FAM161B: variants seen among roughly 807,000 people sequenced by gnomAD.
The protein encoded by FAM161B is protein FAM161B.
FAM161B carries 46 observed loss-of-function variants against 61.5 expected under a neutral mutation model. That is an observed-to-expected ratio of 0.75 (90% CI 0.59 to 0.96). The LOEUF is 0.96. Ranked by LOEUF, FAM161B falls within the 40% of genes least tolerant of loss-of-function variation. The probability of loss-of-function intolerance (pLI) is 0.00; values close to 1 mark genes in which losing one functional copy is unlikely to be tolerated. For synonymous variants in FAM161B, 284 were observed against 302.7 expected (o/e 0.94, Z 0.64); for missense variants, 774 against 800.7 (o/e 0.97, Z 0.40).
intron 1 of FAM161B, among the ~76,000 whole-genome samples, chr14:73,947,901 TTTAG>T (rs1237176327): frequency 2.7e-5 from 4 of 148,702 alleles, no homozygotes; most frequent in Non-Finnish European, 6.0e-5. Context: ...GTGGGGACAA[TTTAG>T]TTAAGCGAAT....
intron 5 of FAM161B, among the ~76,000 whole-genome samples, chr14:73,939,437 C>T (rs2055998964): frequency 6.6e-6 from 1 of 152,194 alleles, no homozygotes; most frequent in Non-Finnish European, 1.5e-5. Context: ...TTCACATTGT[C>T]CTCATAACTG....
At chr14:73,946,029 C>A (rs955647516) in intron 2 of FAM161B, among the ~76,000 whole-genome samples, 9 of 152,076 alleles carry the variant, frequency 5.9e-5, no homozygotes, top group African/African-American at 1.2e-4. Context: ...GGTGTGAGCC[C>A]CTGCACCTGA....
chr14:73,923,522 G>C, the FAM161B span: 1 of 1,611,624 alleles, frequency 6.2e-7, no homozygotes, highest in Non-Finnish European at 8.5e-7. Context: ...ATCCACAAGA[G>C]GTAAAGTGGT....
downstream of FAM161B, among the ~76,000 whole-genome samples, chr14:73,927,550 G>A (rs919154507): frequency 2.0e-5 from 3 of 152,100 alleles, no homozygotes; most frequent in African/African-American, 7.2e-5. Flanking sequence ...AAACCTCAGA[G>A]CTTTTCTCTC....
rs764659423 is a variant in FAM161B, at chr14:73,932,510, TGAA to T, written c.*1743_*1745del. On this transcript the variant is annotated 3_prime_UTR_variant, in exon 9 of 9. Coordinates refer to ENST00000286544, the MANE Select transcript of FAM161B (RefSeq NM_152445.3). Reference sequence around the variant, plus strand: ...AAATGGCAATAAAAACAGATACTTCTGAATTTTTCCACAAAGATAGTTTTTTTA... The same window carrying T: ...AAATGGCAATAAAAACAGATACTTCTTTTTTCCACAAAGATAGTTTTTTTA... 477 of 447,204 alleles carry T rather than the reference TGAA, an allele frequency of 1.1e-3. No homozygotes were observed. Among genetic ancestry groups the T allele is most frequent in the Non-Finnish European group, 1.7e-3 (381 of 224,884 alleles). 27.7% of individuals were successfully genotyped at this position (447,204 alleles called of 1,614,324 possible). A position where few individuals can be genotyped will look rare whatever the true frequency, so the allele number is the denominator to read the frequency against.
chr14:73,941,366 C>T (rs1320314327), intron 4 of FAM161B, among the ~76,000 whole-genome samples: 1 of 152,112 alleles, frequency 6.6e-6, no homozygotes, highest in Non-Finnish European at 1.5e-5. Context: ...AGGTGATCCA[C>T]CCGTGTCGGC....
intron 1 of FAM161B, 54 bp downstream of exon 1, chr14:73,949,919 A>C (rs2056119931): frequency 6.2e-7 from 1 of 1,606,356 alleles, no homozygotes; most frequent in Non-Finnish European, 8.5e-7. Flanking sequence ...GCAACGCCCA[A>C]CAGTTTCCTC....
At chr14:73,926,101 G>C in the FAM161B span, among the ~76,000 whole-genome samples, 1 of 152,108 alleles carries the variant, frequency 6.6e-6, no homozygotes, top group African/African-American at 2.4e-5. Context: ...TGTTGTTGTT[G>C]CTGTTTATGA....
At chr14:73,937,829 T>C (rs2055983047) in intron 6 of FAM161B, 119 bp downstream of exon 6, 1 of 1,555,914 alleles carries the variant, frequency 6.4e-7, no homozygotes, top group Non-Finnish European at 8.7e-7. Flanking sequence ...ATCATGACCC[T>C]GCTGTGATTA....
chr14:73,942,317 C>G, intron 4 of FAM161B, 52 bp downstream of exon 4: 3 of 1,553,892 alleles, frequency 1.9e-6, no homozygotes, highest in Admixed American at 1.9e-5. Flanking sequence ...CTGGCCCCAC[C>G]CTGTATTTCA....
chr14:73,937,795 GT>G (rs1160206223), intron 6 of FAM161B, 94 bp from the exon 7 acceptor site: 7 of 1,536,654 alleles, frequency 4.6e-6, no homozygotes, highest in Non-Finnish European at 6.2e-6. Flanking sequence ...CGTGTACACT[GT>G]AAATTCCTAT....
intron 2 of FAM161B, among the ~76,000 whole-genome samples, chr14:73,945,753 A>G (rs2056061034): frequency 1.3e-5 from 2 of 150,864 alleles, no homozygotes; most frequent in Non-Finnish European, 2.9e-5. Context: ...TTTTATTTTT[A>G]TTTGTTGAGA....
Position 73,944,342 on chromosome 14 carries a change from T to C in FAM161B, c.918A>G (p.Lys306=), listed in dbSNP as rs749982157. The C allele has an allele frequency of 3.2e-6, 5 of 1,582,748 alleles. No individual in the cohort carries two copies. The highest frequency in any genetic ancestry group is 3.4e-6 in the Non-Finnish European group (4 of 1,159,986). The part of the protein sequence containing the change: ...KSILEPALGD[K]LQEAELFRKI... The stretch of plus-strand genomic sequence containing the variant: ...TGGCAAGGATGTCTTTACCCTGGAG[T>C]TTATCCCCAAGGGCTGGCTCCAGAA... Residue 306 remains lysine (K), a synonymous_variant, in exon 3 of 9, where the codon AAA becomes AAG. Coordinates refer to ENST00000286544, the MANE Select transcript of FAM161B (RefSeq NM_152445.3).
Position 73,934,163 on chromosome 14 carries a change from G to C in FAM161B, c.*93C>G. 2 of 1,449,276 alleles carry C rather than the reference G, an allele frequency of 1.4e-6. No individual in the cohort carries two copies. Among genetic ancestry groups the C allele is most frequent in the Non-Finnish European group, 1.9e-6 (2 of 1,064,210 alleles). The allele number at this position is 1,449,276 out of a possible 1,614,324, so 89.8% of individuals were successfully genotyped here. ...TTCATTTGTCCATCCTCTAACAGTAGCCATGACTCAAAACCCAAGTTTTCC... is the reference window on the plus strand; with the variant it reads ...TTCATTTGTCCATCCTCTAACAGTACCCATGACTCAAAACCCAAGTTTTCC... On this transcript the variant is annotated 3_prime_UTR_variant, in exon 9 of 9. Coordinates refer to ENST00000286544, the MANE Select transcript of FAM161B (RefSeq NM_152445.3).
intron 3 of FAM161B, among the ~76,000 whole-genome samples, chr14:73,943,524 G>A (rs1338516912): frequency 1.3e-5 from 2 of 151,968 alleles, no homozygotes; most frequent in East Asian, 3.9e-4. Context: ...TCTTCTCTCA[G>A]CCCTCGACCT....
At chr14:73,947,652 CTG>C (rs2056078202) in intron 1 of FAM161B, among the ~76,000 whole-genome samples, 1 of 152,098 alleles carries the variant, frequency 6.6e-6, no homozygotes, top group Non-Finnish European at 1.5e-5. Context: ...CCATAAACAA[CTG>C]TGAGGTTATA....
At chr14:73,938,520 C>T (rs981085362) in intron 5 of FAM161B, among the ~76,000 whole-genome samples, 7 of 151,550 alleles carry the variant, frequency 4.6e-5, no homozygotes, top group Non-Finnish European at 1.0e-4. Context: ...TGCCTGTAAT[C>T]CCAGCACTTT....
At position 73,942,667 on chromosome 14, in the gene FAM161B, A is replaced by G; in HGVS notation, c.974T>C (p.Met325Thr). 1 of 1,614,170 alleles carries G rather than the reference A, an allele frequency of 6.2e-7. No individual in the cohort carries two copies. ...GATAGGGGAAGAGGCCATCTGGAGC[A>G]TGTCCAGGGCTCTCATTTGGATGCG... ...KIRIQMRALD[M>T]LQMASSPIAS... The change falls in exon 4 of 9, where the codon ATG (methionine) becomes ACG (threonine). Residue 325 changes from methionine to threonine, a missense_variant. By Grantham distance (81) the Met-to-Thr change is moderately conservative. Transcript: ENST00000286544.
intron 7 of FAM161B, among the ~76,000 whole-genome samples, chr14:73,937,115 C>G (rs1010270107): frequency 6.6e-6 from 1 of 152,154 alleles, no homozygotes; most frequent in Non-Finnish European, 1.5e-5. Flanking sequence ...TTTCAGGCTT[C>G]CAGCCTGAAA....
Sources: allele counts gnomAD v4.1 joint callset (sites outside exome capture counted in the v4.1 genomes callset), GRCh38; gene constraint gnomAD v4.1.1; transcripts MANE v1.5; gene names NCBI Gene and HGNC (gene_info 2026-07-23, HGNC 2026-07-21).